ASH1L: variants seen among roughly 807,000 people sequenced by gnomAD.
ASH1L encodes ASH1 like histone lysine methyltransferase.
Under a neutral mutation model 269.0 loss-of-function variants are expected in ASH1L, and 23 were observed. That is an observed-to-expected ratio of 0.09 (90% CI 0.06 to 0.12). The LOEUF is 0.12. Ranked by LOEUF, ASH1L falls within the 10% of genes least tolerant of loss-of-function variation. The pLI is 1.00. For synonymous variants in ASH1L, 1,187 were observed against 1,253.5 expected, an observed-to-expected ratio of 0.95 and a Z score of 1.12; for missense variants, 2,912 against 3,567.8, an observed-to-expected ratio of 0.82 and a Z score of 4.68.
At chr1:155,392,336 C>T (rs576456134) in intron 7 of ASH1L, among the ~76,000 whole-genome samples, 8 of 152,276 alleles carry the variant, frequency 5.3e-5, no homozygotes, top group African/African-American at 1.9e-4. Context: ...GACCTGGCCA[C>T]AGATAAAAAG....
At chr1:155,421,552 T>A (rs1232237994) in intron 5 of ASH1L, among the ~76,000 whole-genome samples, 1 of 151,260 alleles carries the variant, frequency 6.6e-6, no homozygotes, top group African/African-American at 2.4e-5. Context: ...GTGCCTGTAG[T>A]CCCAGCTACT....
chr1:155,366,731 T>C (rs1476520580), intron 12 of ASH1L, among the ~76,000 whole-genome samples: 1 of 152,202 alleles, frequency 6.6e-6, no homozygotes, highest in Non-Finnish European at 1.5e-5. Flanking sequence ...TGGAGTGCAG[T>C]GGCACGATCT....
At chr1:155,448,403 A>T (rs1571241159) in intron 4 of ASH1L, among the ~76,000 whole-genome samples, 1 of 152,134 alleles carries the variant, frequency 6.6e-6, no homozygotes, top group Non-Finnish European at 1.5e-5. Flanking sequence ...TGCTCAGACT[A>T]GCCTCAACCT....
chr1:155,538,924 T>C (rs1209199137), intron 1 of ASH1L, among the ~76,000 whole-genome samples: 2 of 152,144 alleles, frequency 1.3e-5, no homozygotes, highest in African/African-American at 4.8e-5. Context: ...TCCTCCAATC[T>C]TTCCCATTTC....
intron 24 of ASH1L, chr1:155,342,927 T>TG (rs1652935647): frequency 6.3e-6 from 1 of 159,562 alleles, no homozygotes; most frequent in Non-Finnish European, 1.4e-5. Context: ...TAGCTAGCCT[T>TG]GGAGAATCTT....
intron 4 of ASH1L, among the ~76,000 whole-genome samples, chr1:155,444,924 A>T (rs1662892740): frequency 6.6e-6 from 1 of 151,714 alleles, no homozygotes; most frequent in Non-Finnish European, 1.5e-5. Flanking sequence ...GCCAAGTCAA[A>T]TTTTTTTAAA....
Position 155,533,302 on chromosome 1 carries a change from T to C in ASH1L, c.-99-11684A>G, listed in dbSNP as rs187703361. Among the ~76,000 whole-genome samples the C allele has an allele frequency of 8.5e-4, 130 of 152,100 alleles. 1 individual carries two copies. The highest frequency in any genetic ancestry group is 3.0e-3 in the African/African-American group (123 of 41,526). On this transcript the variant is annotated intron_variant, in intron 1 of 27. Coordinates refer to ENST00000392403, the MANE Select transcript of ASH1L (RefSeq NM_018489.3). The stretch of plus-strand genomic sequence containing the variant: ...TCTCATTTAAGGCTCACAATCAGCA[T>C]GCGGTAGTTACTATTATTATTCCCT...
At chr1:155,497,915 A>G (rs1185745779) in intron 2 of ASH1L, among the ~76,000 whole-genome samples, 1 of 151,850 alleles carries the variant, frequency 6.6e-6, no homozygotes, top group Non-Finnish European at 1.5e-5. Flanking sequence ...AGGCATGGCT[A>G]ATTTTTTTTT....
chr1:155,423,029 G>A (rs898083656), intron 5 of ASH1L, among the ~76,000 whole-genome samples: 1 of 150,342 alleles, frequency 6.7e-6, no homozygotes, highest in Non-Finnish European at 1.5e-5. Context: ...CTCTCTGTAA[G>A]CTCTGCCTCC....
Position 155,360,349 on chromosome 1 carries a change from A to G in ASH1L, c.6747T>C (p.Thr2249=). ...LYALKDMPAG[T]ELTYDYNFHS... The stretch of plus-strand genomic sequence containing the variant: ...GAAAGTTATAATCATAAGTGAGTTC[A>G]GTCCCAGCTGGCATGTCTTTAAGAG... The change falls in exon 13 of 28, where the codon ACT becomes ACC. Residue 2249 remains threonine, a synonymous_variant. Transcript: ENST00000392403. 6.2e-7 allele frequency: 1 copy of G among 1,613,732 alleles called. No homozygotes were observed. Among genetic ancestry groups the G allele is most frequent in the Non-Finnish European group, 8.5e-7 (1 of 1,179,634 alleles).
intron 2 of ASH1L, among the ~76,000 whole-genome samples, chr1:155,497,340 G>A (rs1031987877): frequency 6.6e-6 from 1 of 152,114 alleles, no homozygotes; most frequent in Non-Finnish European, 1.5e-5. Flanking sequence ...AACAACAAAA[G>A]TTTGAACTGT....
At chr1:155,555,529 A>G (rs914581634) in intron 1 of ASH1L, among the ~76,000 whole-genome samples, 5 of 152,038 alleles carry the variant, frequency 3.3e-5, no homozygotes, top group Non-Finnish European at 7.4e-5. Flanking sequence ...TGGAAAACAA[A>G]AAAATGAAAA....
chr1:155,497,625 TG>T (rs1667236514), intron 2 of ASH1L, among the ~76,000 whole-genome samples: 1 of 152,212 alleles, frequency 6.6e-6, no homozygotes, highest in African/African-American at 2.4e-5. Context: ...AGTTACGTTC[TG>T]GGGGAGTCAA....
At chr1:155,341,269 T>C (rs942252066) in intron 25 of ASH1L, among the ~76,000 whole-genome samples, 1 of 151,544 alleles carries the variant, frequency 6.6e-6, no homozygotes, top group Non-Finnish European at 1.5e-5. Context: ...CTCTGCCTCC[T>C]GGGTTCACGC....
Position 155,357,334 on chromosome 1 carries a change from G to A in ASH1L, c.7037C>T (p.Pro2346Leu). ...TRLTPQLQMK[P>L]MSNRERNFVL... ...TTTTTACCTTTCACGATTGGACATT[G>A]GCTTCATCTGTAATTGGGGGGTCAA... The change falls in exon 15 of 28, where the codon CCA becomes CTA. Residue 2346 changes from proline (P) to leucine (L), a missense_variant. Coordinates refer to ENST00000392403, the MANE Select transcript of ASH1L (RefSeq NM_018489.3). 1 of 1,613,300 alleles carries A rather than the reference G, an allele frequency of 6.2e-7. No individual in the cohort carries two copies.
chr1:155,510,780 C>T (rs931189613), intron 2 of ASH1L, among the ~76,000 whole-genome samples: 1 of 151,844 alleles, frequency 6.6e-6, no homozygotes, highest in African/African-American at 2.4e-5. Context: ...GACAGGATCT[C>T]GCTCTGTCAC....
chr1:155,442,860 C>T (rs1192513670), intron 4 of ASH1L, among the ~76,000 whole-genome samples: 1 of 152,124 alleles, frequency 6.6e-6, no homozygotes, highest in Non-Finnish European at 1.5e-5. Context: ...AATTCATCTG[C>T]TTAATGACTA....
chr1:155,481,056 G>A lies in ASH1L; in HGVS notation c.1814C>T (p.Thr605Ile), dbSNP rs757492151. The part of the protein sequence containing the change: ...ISESVGKNQF[T>I]SESTHLNVGH... ...AACGTTCAAGTGGGTACTTTCAGAAGTAAACTGGTTCTTTCCAACAGATTC... is the reference window on the plus strand; with the variant it reads ...AACGTTCAAGTGGGTACTTTCAGAAATAAACTGGTTCTTTCCAACAGATTC... Residue 605 changes from threonine (T) to isoleucine (I), a missense_variant, in exon 3 of 28, where the codon ACT (threonine) becomes ATT (isoleucine). Around this residue, in one of 13 missense-constraint regions of ASH1L, gnomAD observed 715 missense variants for 721.0 expected, o/e 0.99. Coordinates refer to ENST00000392403, the MANE Select transcript of ASH1L (RefSeq NM_018489.3). 47 of 1,613,968 alleles carry A rather than the reference G, an allele frequency of 2.9e-5. No individual in the cohort carries two copies. Among genetic ancestry groups the A allele is most frequent in the Non-Finnish European group, 4.0e-5 (47 of 1,179,982 alleles).
At chr1:155,419,960 C>T (rs1015736788) in intron 5 of ASH1L, among the ~76,000 whole-genome samples, 2 of 152,102 alleles carry the variant, frequency 1.3e-5, no homozygotes, top group African/African-American at 4.8e-5. Context: ...AGGTCAAATT[C>T]AACTGTATTT....
Sources: gnomAD v4.1 joint callset for allele counts (sites outside exome capture counted in the v4.1 genomes callset) on GRCh38, gnomAD v4.1.1 for gene constraint, gnomAD v4.1.1 regional missense constraint, MANE v1.5 for transcripts, NCBI Gene and HGNC (gene_info 2026-07-23, HGNC 2026-07-21) for gene names.